Variants in ZBTB17 observed in about 807,000 individuals in gnomAD.
ZBTB17 encodes the protein zinc finger and BTB domain containing 17, also known as zinc finger and BTB domain-containing protein 17.
Under a neutral mutation model 85.1 loss-of-function variants are expected in ZBTB17, and 24 were observed. The observed-to-expected ratio is 0.28, with a 90% CI of 0.20 to 0.40. ZBTB17 has a LOEUF of 0.40. ZBTB17 is among the 10% of genes least tolerant of loss of function. The pLI is 1.00. For missense variants in ZBTB17, 743 were observed against 1,105.1 expected (o/e 0.67, Z 4.65); for synonymous variants, 464 against 460.2 (o/e 1.01, Z -0.11).
At chr1:15,944,234 G>A (rs1483489293) in intron 9 of ZBTB17, 66 bp downstream of exon 9, 6 of 1,539,204 alleles carry the variant, frequency 3.9e-6, no homozygotes, top group Non-Finnish European at 4.4e-6. Flanking sequence ...GCCCCACCAC[G>A]TGGCATGCAT....
chr1:15,956,829 G>A (rs1002360200), intron 2 of ZBTB17, among the ~76,000 whole-genome samples: 3 of 152,210 alleles, frequency 2.0e-5, no homozygotes, highest in Admixed American at 2.0e-4. Context: ...GCTACCAAGT[G>A]CTGTGGAGAA....
chr1:15,942,520 A>T lies in ZBTB17; in HGVS notation c.2038+9T>A. The T allele has an allele frequency of 6.2e-7, 1 of 1,610,384 alleles. No homozygotes were observed. The highest frequency in any genetic ancestry group is 2.2e-5 in the East Asian group (1 of 44,872). On this transcript the variant is annotated intron_variant, in intron 14 of 15. Transcript: ENST00000375743. ...CCTGTGACTTCCCTCTGCTGCCCAC[A>T]GCCCGCACCTGTGAGCTGAGTGACG... is the stretch of plus-strand genomic sequence containing the variant.
chr1:15,944,284 G>A lies in ZBTB17; in HGVS notation c.1371+16C>T. 6.5e-7 allele frequency: 1 copy of A among 1,550,108 alleles called. No homozygotes were observed. Among genetic ancestry groups the A allele is most frequent in the Non-Finnish European group, 8.7e-7 (1 of 1,146,918 alleles). On this transcript the variant is annotated intron_variant, in intron 9 of 15. Coordinates refer to ENST00000375743, the MANE Select transcript of ZBTB17 (RefSeq NM_003443.3). ...CGGCGGCTGCCAGGCGCTGGTTCCGGGAGGGGTCCGCACACCTGGTTGAAC... is the reference window on the plus strand; with the variant it reads ...CGGCGGCTGCCAGGCGCTGGTTCCGAGAGGGGTCCGCACACCTGGTTGAAC...
intron 2 of ZBTB17, among the ~76,000 whole-genome samples, chr1:15,959,521 GAGGGAGGGAGGA>G (rs1313215927): frequency 3.9e-5 from 5 of 127,928 alleles, no homozygotes; most frequent in African/African-American, 1.0e-4. Context: ...GGGAGGGAGG[GAGGGAGGGAGGA>G]AGGGAGGGAG....
intron 9 of ZBTB17, 181 bp downstream of exon 9, chr1:15,944,119 C>T (rs534930066): frequency 4.5e-6 from 5 of 1,112,750 alleles, no homozygotes; most frequent in Non-Finnish European, 6.6e-6. Context: ...GCCTGCCCTC[C>T]GCAGAGCAAC....
At chr1:15,970,769 G>C (rs577912419) in intron 2 of ZBTB17, among the ~76,000 whole-genome samples, 2 of 151,734 alleles carry the variant, frequency 1.3e-5, no homozygotes, top group Non-Finnish European at 2.9e-5. Flanking sequence ...GGATGGTCTC[G>C]ATCTCCTGAC....
rs760484060 is a variant in ZBTB17, at chr1:15,943,930, CA to C, written c.1372-36del. On this transcript the variant is annotated intron_variant, in intron 9 of 15. Transcript: ENST00000375743. ...GGGAGGGGTCAGGGGGGCCACCCCA[CA>C]GAGCTCGGCCCCGGGCCCCCTCACC... 41 of 1,553,408 alleles carry C rather than the reference CA, an allele frequency of 2.6e-5. No homozygotes were observed. In the Admixed American group the frequency reaches 7.7e-4, roughly 29 times the overall value.
At position 15,943,177 on chromosome 1, in the gene ZBTB17, T is replaced by C; in HGVS notation, c.1715A>G (p.Gln572Arg). The C allele has an allele frequency of 1.2e-6, 2 of 1,614,174 alleles. No homozygotes were observed. Among genetic ancestry groups the C allele is most frequent in the Non-Finnish European group, 8.5e-7 (1 of 1,180,010 alleles). The change falls in exon 13 of 16, where the codon CAG becomes CGG. Residue 572 changes from glutamine to arginine, a missense_variant. By Grantham distance (43) the Gln-to-Arg change is conservative (BLOSUM62 1). Around this residue, in one of 4 missense-constraint regions of ZBTB17, gnomAD observed 321 missense variants for 615.7 expected, o/e 0.52. Coordinates refer to ENST00000375743, the MANE Select transcript of ZBTB17 (RefSeq NM_003443.3). ...RCGKRFVQSS[Q>R]LANHIRHHDN... ...GTGGTGGCGAATATGATTGGCCAACTGGCTGGACTGGACGAATCTGTGGGG... is the reference window on the plus strand; with the variant it reads ...GTGGTGGCGAATATGATTGGCCAACCGGCTGGACTGGACGAATCTGTGGGG...
chr1:15,943,649 C>T lies in ZBTB17; in HGVS notation c.1526G>A (p.Arg509Gln), dbSNP rs1188980893. The change falls in exon 11 of 16, where the codon CGA (arginine) becomes CAA (glutamine). Residue 509 changes from arginine (R) to glutamine (Q), a missense_variant. Around this residue, in one of 4 missense-constraint regions of ZBTB17, gnomAD observed 321 missense variants for 615.7 expected, o/e 0.52. Transcript: ENST00000375743. ...EKPYVCIHCQ[R>Q]QFADPGALQR... ...CAGAGCGCCGGGGTCTGCAAACTGTCGCTGGCAGTGGATGCACACGTAGGG... is the reference window on the plus strand; with the variant it reads ...CAGAGCGCCGGGGTCTGCAAACTGTTGCTGGCAGTGGATGCACACGTAGGG... 1 of 1,613,066 alleles carries T rather than the reference C, an allele frequency of 6.2e-7. No individual in the cohort carries two copies. The highest frequency in any genetic ancestry group is 1.1e-5 in the South Asian group (1 of 91,072).
chr1:15,947,662 C>T (rs1381601253), intron 3 of ZBTB17, among the ~76,000 whole-genome samples: 2 of 152,146 alleles, frequency 1.3e-5, no homozygotes, highest in Non-Finnish European at 2.9e-5. Flanking sequence ...CTTATTTGGC[C>T]GCTACACTTC....
intron 2 of ZBTB17, among the ~76,000 whole-genome samples, chr1:15,961,116 A>G (rs1366768280): frequency 6.6e-6 from 1 of 152,234 alleles, no homozygotes; most frequent in Non-Finnish European, 1.5e-5. Flanking sequence ...CCCGTCTCAA[A>G]AAAAGAAAAA....
intron 1 of ZBTB17, among the ~76,000 whole-genome samples, chr1:15,974,873 G>A (rs1414683164): frequency 6.6e-6 from 1 of 152,220 alleles, no homozygotes. Flanking sequence ...AACGAGCCCG[G>A]CCCAGTCTGC....
chr1:15,949,583 C>T (rs1043657574), intron 2 of ZBTB17, among the ~76,000 whole-genome samples: 12 of 152,338 alleles, frequency 7.9e-5, no homozygotes, highest in African/African-American at 2.2e-4. Context: ...TGAGTCTGCA[C>T]GGGGCTGGCT....
At chr1:15,969,605 G>T in intron 2 of ZBTB17, 1 of 416,030 alleles carries the variant, frequency 2.4e-6, no homozygotes, top group South Asian at 1.8e-5. Flanking sequence ...GGGCCTCGGA[G>T]GGTGGGGGGA....
At position 15,951,913 on chromosome 1, in the gene ZBTB17, G is replaced by A. The variant is rs569674886; in HGVS notation, c.-2-3416C>T. On this transcript the variant is annotated intron_variant, in intron 2 of 15. Transcript: ENST00000375743. This position sits in a 1 kb window ranked among gnomAD's most constrained non-coding sequence, Gnocchi z 4.1. The stretch of plus-strand genomic sequence containing the variant: ...GATCAACAGCCAGCTGCTCCCCATC[G>A]CCCCCAGATGTGCGGGAACACAGGG... Among the ~76,000 whole-genome samples the A allele has an allele frequency of 4.6e-5, 7 of 152,126 alleles. No individual in the cohort carries two copies. Among genetic ancestry groups the A allele is most frequent in the South Asian group, 4.2e-4 (2 of 4,812 alleles).
chr1:15,950,019 C>T (rs185816079), intron 2 of ZBTB17, among the ~76,000 whole-genome samples: 11 of 152,374 alleles, frequency 7.2e-5, no homozygotes, highest in African/African-American at 2.4e-4. Flanking sequence ...TACACATCCC[C>T]GCGCAGGCTT....
intron 2 of ZBTB17, among the ~76,000 whole-genome samples, chr1:15,960,302 T>C (rs2072212417): frequency 6.6e-6 from 1 of 152,340 alleles, no homozygotes; most frequent in Admixed American, 6.5e-5. Flanking sequence ...AAGTTTCTTC[T>C]TCATAAAGCT....
rs573773159 is a variant in ZBTB17, at chr1:15,963,625, TATA to T, written c.-3+9411_-3+9413del. Among the ~76,000 whole-genome samples, 373 of 152,320 alleles carry T rather than the reference TATA, an allele frequency of 2.4e-3. 3 individuals carry two copies. The highest frequency in any genetic ancestry group is 8.7e-3 in the African/African-American group (362 of 41,572). ...GAGGGAAAAATCTTCCCTGAGAATG[TATA>T]ATGATTAGCAGTCCCCCAAAAGGAC... On this transcript the variant is annotated intron_variant, in intron 2 of 15. Transcript: ENST00000375743.
intron 6 of ZBTB17, 70 bp downstream of exon 6, chr1:15,945,645 A>G (rs1393675531): frequency 6.3e-7 from 1 of 1,583,728 alleles, no homozygotes; most frequent in Non-Finnish European, 8.5e-7. Flanking sequence ...GGGAGGCCCC[A>G]GTGCGCAGTG....
Sources: allele counts gnomAD v4.1 joint callset (sites outside exome capture counted in the v4.1 genomes callset), GRCh38; gene constraint gnomAD v4.1.1; regional missense constraint gnomAD v4.1.1; non-coding constraint Gnocchi (gnomAD v3.1); transcripts MANE v1.5; gene names NCBI Gene and HGNC (gene_info 2026-07-23, HGNC 2026-07-21).